CA8: variants seen among roughly 807,000 people sequenced by gnomAD.
CA8 encodes carbonic anhydrase-related protein.
In CA8, 22 loss-of-function variants were observed where a neutral mutation model predicts 41.4. That is an observed-to-expected ratio of 0.53 (90% confidence interval 0.38 to 0.76). The LOEUF is 0.76. Ranked by LOEUF, CA8 falls within the 30% of genes least tolerant of loss-of-function variation. CA8 has a pLI of 0.00. For missense variants in CA8, 270 were observed against 352.8 expected (o/e 0.77, Z 1.88); for synonymous variants, 121 against 130.6 (o/e 0.93, Z 0.50).
intron 3 of CA8, among the ~76,000 whole-genome samples, chr8:60,239,436 G>A (rs1807941396): frequency 6.6e-6 from 1 of 152,174 alleles, no homozygotes; most frequent in Non-Finnish European, 1.5e-5. Flanking sequence ...ACTGGAAGAA[G>A]AAGAACTGTC....
intron 7 of CA8, among the ~76,000 whole-genome samples, chr8:60,214,686 A>G (rs1806954752): frequency 6.6e-6 from 1 of 152,196 alleles, no homozygotes; most frequent in Non-Finnish European, 1.5e-5. Flanking sequence ...CAGATCCCAC[A>G]GGCTGAGCAC....
chr8:60,244,647 C>T (rs1808158892), intron 3 of CA8, among the ~76,000 whole-genome samples: 1 of 152,174 alleles, frequency 6.6e-6, no homozygotes, highest in African/African-American at 2.4e-5. Flanking sequence ...CTTTACATAG[C>T]TAATAGATTG....
chr8:60,189,061 G>A lies in CA8; in HGVS notation c.*960C>T, dbSNP rs1047430635. On this transcript the variant is annotated 3_prime_UTR_variant, in exon 9 of 9. Transcript: ENST00000317995. ...ATTATCTCATTCTGTCACATCTAACGGCAACTAAGTATACGCTTACATCTG... is the reference window on the plus strand; with the variant it reads ...ATTATCTCATTCTGTCACATCTAACAGCAACTAAGTATACGCTTACATCTG... 2 of 151,958 alleles carry A rather than the reference G, an allele frequency of 1.3e-5. No homozygotes were observed. The highest frequency in any genetic ancestry group is 2.9e-5 in the Non-Finnish European group (2 of 67,978). 9.4% of individuals were successfully genotyped at this position (151,958 alleles called of 1,614,324 possible).
chr8:60,250,431 G>A (rs1270418210), intron 3 of CA8, among the ~76,000 whole-genome samples: 1 of 152,164 alleles, frequency 6.6e-6, no homozygotes, highest in Non-Finnish European at 1.5e-5. Context: ...AATCTTAGAG[G>A]AACCAAAAGC....
chr8:60,281,138 G>C lies in CA8; in HGVS notation c.10C>G (p.Leu4Val). The C allele has an allele frequency of 6.4e-7, 1 of 1,569,574 alleles. No homozygotes were observed. The highest frequency in any genetic ancestry group is 8.6e-7 in the Non-Finnish European group (1 of 1,159,026). Residue 4 changes from leucine (L) to valine (V), a missense_variant, in exon 1 of 9, where the codon CTG becomes GTG. Leu to Val is a conservative substitution (Grantham distance 32). Around this residue, in one of 3 missense-constraint regions of CA8, gnomAD observed 123 missense variants for 136.8 expected, o/e 0.90. Coordinates refer to ENST00000317995, the MANE Select transcript of CA8 (RefSeq NM_004056.6). Reference protein sequence around the residue: MADLSFIEDTVAFP... With the variant: MADVSFIEDTVAFP... The stretch of plus-strand genomic sequence containing the variant: ...GCGACGGTATCTTCGATGAAGCTCA[G>C]GTCCGCCATGGGAAGGCCGCGGGGC...
At chr8:60,217,190 A>G (rs1021649497) in intron 7 of CA8, among the ~76,000 whole-genome samples, 5 of 152,170 alleles carry the variant, frequency 3.3e-5, no homozygotes, top group Admixed American at 1.3e-4. Context: ...GGCCAAGAAA[A>G]AAAAAGTTTC....
chr8:60,246,044 A>G (rs1808223227), intron 3 of CA8, among the ~76,000 whole-genome samples: 1 of 152,142 alleles, frequency 6.6e-6, no homozygotes, highest in Admixed American at 6.6e-5. Flanking sequence ...CTTCCCTTAT[A>G]CCCAATCTTA....
intron 3 of CA8, among the ~76,000 whole-genome samples, chr8:60,260,551 A>G (rs1038005269): frequency 3.3e-5 from 5 of 152,226 alleles, no homozygotes; most frequent in Admixed American, 2.6e-4. Context: ...AGAGCACCAT[A>G]GAGGATAATC....
intron 4 of CA8, 62 bp from the exon 5 acceptor site, chr8:60,226,997 A>C: frequency 1.7e-6 from 2 of 1,202,012 alleles, no homozygotes; most frequent in South Asian, 2.4e-5. Flanking sequence ...TTTAACTAAA[A>C]AAAAACTAAT....
At position 60,226,175 on chromosome 8, in the gene CA8, T is replaced by C. The variant is rs115167381; in HGVS notation, c.576+698A>G. ...TCATTTATACAACTTTCCTATAGCA[T>C]GCAGGTAGGAAAGGGTTAACTCAGC... is the stretch of plus-strand genomic sequence containing the variant. On this transcript the variant is annotated intron_variant, in intron 5 of 8. Coordinates refer to ENST00000317995, the MANE Select transcript of CA8 (RefSeq NM_004056.6). Among the ~76,000 whole-genome samples the C allele has an allele frequency of 2.0e-3, 312 of 152,318 alleles. 1 individual carries two copies. The highest frequency in any genetic ancestry group is 7.0e-3 in the African/African-American group (290 of 41,572).
intron 7 of CA8, among the ~76,000 whole-genome samples, chr8:60,219,541 T>A (rs1807161980): frequency 6.6e-6 from 1 of 152,214 alleles, no homozygotes; most frequent in Non-Finnish European, 1.5e-5. Flanking sequence ...TGTTTCCAAC[T>A]GTCTGAGAGA....
At chr8:60,208,164 T>C (rs1207713163) in intron 8 of CA8, 1 of 153,472 alleles carries the variant, frequency 6.5e-6, no homozygotes, top group Non-Finnish European at 1.5e-5. Flanking sequence ...GAATTCTATA[T>C]ATTAAAATAC....
intron 6 of CA8, among the ~76,000 whole-genome samples, chr8:60,224,283 T>C (rs1299396334): frequency 1.3e-5 from 2 of 152,164 alleles, no homozygotes; most frequent in Admixed American, 6.5e-5. Flanking sequence ...TACACAGAGG[T>C]AGCAATTTTT....
At chr8:60,248,978 C>T (rs1808349421) in intron 3 of CA8, among the ~76,000 whole-genome samples, 1 of 152,178 alleles carries the variant, frequency 6.6e-6, no homozygotes, top group Admixed American at 6.5e-5. Context: ...CCCTTCACTT[C>T]CCTTGTTAGC....
At chr8:60,204,463 C>T (rs985230616) in intron 8 of CA8, among the ~76,000 whole-genome samples, 3 of 152,110 alleles carry the variant, frequency 2.0e-5, no homozygotes, top group African/African-American at 7.2e-5. Flanking sequence ...ATTAACATTT[C>T]TAAAACATAA....
At chr8:60,193,113 GTTAAT>G (rs945384181) in intron 8 of CA8, among the ~76,000 whole-genome samples, 20 of 152,198 alleles carry the variant, frequency 1.3e-4, no homozygotes, top group African/African-American at 4.6e-4. Flanking sequence ...AACTACATGT[GTTAAT>G]TTTTCTTTCC....
At chr8:60,217,175 C>T (rs1018625819) in intron 7 of CA8, among the ~76,000 whole-genome samples, 21 of 151,864 alleles carry the variant, frequency 1.4e-4, no homozygotes, top group Admixed American at 1.2e-3. Flanking sequence ...TGAGCCACCA[C>T]GCCTGGCCAA....
intron 4 of CA8, among the ~76,000 whole-genome samples, chr8:60,229,220 G>T (rs1159990126): frequency 6.6e-6 from 1 of 151,532 alleles, no homozygotes; most frequent in Admixed American, 6.6e-5. Flanking sequence ...GCACCCTCTA[G>T]AACAGAACAA....
chr8:60,234,317 G>A (rs910153769), intron 3 of CA8, among the ~76,000 whole-genome samples: 2 of 152,154 alleles, frequency 1.3e-5, no homozygotes, highest in African/African-American at 4.8e-5. Context: ...AGAACTAAAT[G>A]TAATATGGTG....
Sources: gnomAD v4.1 joint callset for allele counts (sites outside exome capture counted in the v4.1 genomes callset) on GRCh38, gnomAD v4.1.1 for gene constraint, gnomAD v4.1.1 regional missense constraint, MANE v1.5 for transcripts, NCBI Gene and HGNC (gene_info 2026-07-23, HGNC 2026-07-21) for gene names.